RIN3: variants seen among roughly 807,000 people sequenced by gnomAD.
The protein encoded by RIN3 is Ras and Rab interactor 3.
RIN3 carries 54 observed loss-of-function variants against 76.3 expected under a neutral mutation model. The ratio of observed to expected loss-of-function variants is 0.71; its 90% CI spans 0.57 to 0.89. The LOEUF (loss-of-function observed/expected upper bound fraction) is 0.89. RIN3 is among the 40% of genes least tolerant of loss of function. The pLI, the probability that RIN3 is intolerant of heterozygous loss-of-function variation, is 0.00. For missense variants in RIN3, 1,256 were observed against 1,322.1 expected (o/e 0.95, Z 0.78); for synonymous variants, 576 against 564.0 (o/e 1.02, Z -0.30).
chr14:92,515,253 G>A (rs1362723781), intron 1 of RIN3: 2 of 700,354 alleles, frequency 2.9e-6, no homozygotes, highest in Non-Finnish European at 5.2e-6. Flanking sequence ...GGAATCCGTT[G>A]GGGAAGAGCC....
intron 3 of RIN3, among the ~76,000 whole-genome samples, chr14:92,585,746 G>A (rs1448724702): frequency 3.3e-5 from 5 of 152,064 alleles, no homozygotes; most frequent in Non-Finnish European, 7.4e-5. Context: ...TCCTCCCCAA[G>A]TTGCTGGGAC....
intron 4 of RIN3, among the ~76,000 whole-genome samples, chr14:92,633,484 T>C (rs1289428345): frequency 6.6e-6 from 1 of 152,182 alleles, no homozygotes; most frequent in Non-Finnish European, 1.5e-5. Context: ...ATCCTTGCCC[T>C]AGGAGAAATC....
At chr14:92,555,306 T>C (rs1897545673) in intron 1 of RIN3, among the ~76,000 whole-genome samples, 1 of 152,208 alleles carries the variant, frequency 6.6e-6, no homozygotes, top group African/African-American at 2.4e-5. Flanking sequence ...TTTATACTTG[T>C]ACCATAGCTG....
chr14:92,622,383 C>T (rs571645624), intron 4 of RIN3, among the ~76,000 whole-genome samples: 2 of 152,168 alleles, frequency 1.3e-5, no homozygotes, highest in Non-Finnish European at 2.9e-5. Context: ...GGGTGTAATC[C>T]CTGACTTTTA....
In RIN3 at chr14:92,651,597, C is replaced by T. The variant is rs776608506; in HGVS notation, c.548C>T (p.Ser183Leu). 1.1e-5 allele frequency: 18 copies of T among 1,603,210 alleles called. No individual in the cohort carries two copies. The highest frequency in any genetic ancestry group is 6.6e-5 in the South Asian group (6 of 90,570). The part of the protein sequence containing the change: ...ANLGLGFWDS[S>L]LNPPQERGKP... Reference sequence around the variant, plus strand: ...GCTTCCACAGGTTTCTGGGACTCCTCGCTGAATCCTCCACAAGAAAGAGGG... The same window carrying T: ...GCTTCCACAGGTTTCTGGGACTCCTTGCTGAATCCTCCACAAGAAAGAGGG... The change falls in exon 6 of 10, where the codon TCG (serine) becomes TTG (leucine). Residue 183 changes from serine to leucine, a missense_variant. By Grantham distance (145) the Ser-to-Leu change is moderately radical (BLOSUM62 -2). Coordinates refer to ENST00000216487, the MANE Select transcript of RIN3 (RefSeq NM_024832.5).
At chr14:92,684,532 C>T (rs1274332878) in intron 8 of RIN3, among the ~76,000 whole-genome samples, 2 of 151,998 alleles carry the variant, frequency 1.3e-5, no homozygotes, top group Non-Finnish European at 2.9e-5. Flanking sequence ...ATGTGTATCA[C>T]TTTCACACCA....
chr14:92,537,634 CTTTTTTTTT>C (rs576683908), intron 1 of RIN3, among the ~76,000 whole-genome samples: 7 of 51,636 alleles, frequency 1.4e-4, no homozygotes, highest in Admixed American at 9.3e-4. Flanking sequence ...GCCTTAGGGA[CTTTTTTTTT>C]TTTTTTTTTT....
rs2140137939 is a variant in RIN3, at chr14:92,648,304, A to C, written c.533-3278A>C. Among the ~76,000 whole-genome samples the C allele has an allele frequency of 6.6e-6, 1 of 152,274 alleles. No individual in the cohort carries two copies. Among genetic ancestry groups the C allele is most frequent in the East Asian group, 1.9e-4 (1 of 5,172 alleles). On this transcript the variant is annotated intron_variant, in intron 5 of 9. Coordinates refer to ENST00000216487, the MANE Select transcript of RIN3 (RefSeq NM_024832.5). The surrounding 1 kb of genome is among the most constrained non-coding windows in gnomAD (Gnocchi z 4.1). Reference sequence around the variant, plus strand: ...AGCTGTGTCCCAGGTACCCAGGCCGAGAGCCTATTTGCCTGAACCCGTGTC... The same window carrying C: ...AGCTGTGTCCCAGGTACCCAGGCCGCGAGCCTATTTGCCTGAACCCGTGTC...
intron 3 of RIN3, among the ~76,000 whole-genome samples, chr14:92,580,640 C>T (rs996516842): frequency 1.3e-5 from 2 of 152,220 alleles, no homozygotes; most frequent in Non-Finnish European, 2.9e-5. Context: ...AGATTCCTGC[C>T]CAGTGGGGAA....
intron 4 of RIN3, among the ~76,000 whole-genome samples, chr14:92,633,593 G>C (rs1028091411): frequency 6.6e-6 from 1 of 152,210 alleles, no homozygotes; most frequent in African/African-American, 2.4e-5. Context: ...AGTCTTGGGG[G>C]ACTGAAGCCT....
intron 2 of RIN3, among the ~76,000 whole-genome samples, chr14:92,569,583 C>CTT (rs1555384551): frequency 6.9e-6 from 1 of 145,782 alleles, no homozygotes; most frequent in Non-Finnish European, 1.5e-5. Context: ...GAGCTCCTGC[C>CTT]TTTTTTTTTT....
At chr14:92,649,545 G>A (rs1887330251) in intron 5 of RIN3, among the ~76,000 whole-genome samples, 1 of 152,124 alleles carries the variant, frequency 6.6e-6, no homozygotes. Context: ...GTGTAGACAT[G>A]GGCACAGTGC....
chr14:92,545,112 T>TTTTG (rs1461097845), intron 1 of RIN3, among the ~76,000 whole-genome samples: 1 of 141,114 alleles, frequency 7.1e-6, no homozygotes, highest in African/African-American at 2.6e-5. Flanking sequence ...TGGTGTTTTT[T>TTTTG]TTTTTTTTTT....
chr14:92,644,339 C>T (rs1346091701), intron 5 of RIN3: 2 of 152,018 alleles, frequency 1.3e-5, no homozygotes, highest in African/African-American at 2.4e-5. Flanking sequence ...GACTAACTGC[C>T]GGGAGACTCC....
chr14:92,631,093 T>C (rs1302267913), intron 4 of RIN3, among the ~76,000 whole-genome samples: 1 of 152,226 alleles, frequency 6.6e-6, no homozygotes, highest in African/African-American at 2.4e-5. Context: ...TTACAGTGGA[T>C]GCTTGTCAGC....
In RIN3 at chr14:92,641,012, C is replaced by T. The variant is rs114165686; in HGVS notation, c.441-226C>T. Among the ~76,000 whole-genome samples the T allele has an allele frequency of 4.2e-3, 635 of 152,248 alleles. 5 individuals are homozygous for T. Among genetic ancestry groups the T allele is most frequent in the African/African-American group, 0.014 (601 of 41,540 alleles). The stretch of plus-strand genomic sequence containing the variant: ...GAGAAGCAGTGACCCCGCCCCGCCA[C>T]TCCTGAGTAGGATCTCCACCTCTCT... On this transcript the variant is annotated intron_variant, in intron 4 of 9. Transcript: ENST00000216487.
At chr14:92,524,162 T>C (rs1896666442) in intron 1 of RIN3, among the ~76,000 whole-genome samples, 1 of 152,172 alleles carries the variant, frequency 6.6e-6, no homozygotes, top group South Asian at 2.1e-4. Flanking sequence ...CCACTGCACT[T>C]CGGCCTGGGT....
intron 4 of RIN3, among the ~76,000 whole-genome samples, chr14:92,616,701 A>G (rs147619355): frequency 6.6e-6 from 1 of 152,278 alleles, no homozygotes; most frequent in Non-Finnish European, 1.5e-5. Context: ...CTTGATGGGC[A>G]GGGTTGGTGT....
At chr14:92,594,669 G>T (rs892015527) in intron 3 of RIN3, among the ~76,000 whole-genome samples, 1 of 152,200 alleles carries the variant, frequency 6.6e-6, no homozygotes, top group Non-Finnish European at 1.5e-5. Flanking sequence ...TGAAAACAGT[G>T]CTTAGAGGAA....
Sources: gnomAD v4.1 joint callset for allele counts (sites outside exome capture counted in the v4.1 genomes callset) on GRCh38, gnomAD v4.1.1 for gene constraint, Gnocchi (gnomAD v3.1) non-coding constraint, MANE v1.5 for transcripts, NCBI Gene and HGNC (gene_info 2026-07-23, HGNC 2026-07-21) for gene names.